The following NMNAT1 variants were observed in gnomAD, a reference collection of about 807,000 sequenced individuals.
NMNAT1 encodes nicotinamide/nicotinic acid mononucleotide adenylyltransferase 1.
A neutral mutation model predicts 16.7 loss-of-function variants in NMNAT1; 11 were observed. The observed-to-expected ratio is 0.66, with a 90% CI of 0.41 to 1.09. The LOEUF (loss-of-function observed/expected upper bound fraction) is 1.09, where lower values mean the gene tolerates loss of function less well. NMNAT1 is among the 50% of genes least tolerant of loss of function. The pLI, the probability that NMNAT1 is intolerant of heterozygous loss-of-function variation, is 0.00. For missense variants in NMNAT1, 280 were observed against 332.3 expected (o/e 0.84, Z 1.22); for synonymous variants, 110 against 119.8 (o/e 0.92, Z 0.53).
intron 2 of NMNAT1, among the ~76,000 whole-genome samples, chr1:9,974,038 A>G (rs1208631936): frequency 6.6e-6 from 1 of 152,000 alleles, no homozygotes; most frequent in African/African-American, 2.4e-5. Flanking sequence ...GGGTTTCACC[A>G]TGTTGACCAG....
At chr1:9,986,597 T>A (rs568072946), downstream of NMNAT1, among the ~76,000 whole-genome samples, 379 of 152,258 alleles carry the variant, frequency 2.5e-3, no homozygotes, top group Non-Finnish European at 4.1e-3. Flanking sequence ...AAAAAACATG[T>A]ACTGGCTGGG....
chr1:9,989,527 G>A (rs1478868283), downstream of NMNAT1, among the ~76,000 whole-genome samples: 1 of 152,076 alleles, frequency 6.6e-6, no homozygotes, highest in African/African-American at 2.4e-5. Flanking sequence ...CGGTTGGACG[G>A]CAGAAATAAG....
intron 3 of NMNAT1, among the ~76,000 whole-genome samples, chr1:9,980,002 G>A (rs1466320376): frequency 6.6e-6 from 1 of 151,256 alleles, no homozygotes; most frequent in Non-Finnish European, 1.5e-5. Flanking sequence ...CGCAATCATG[G>A]CTCACTGCAA....
intron 3 of NMNAT1, among the ~76,000 whole-genome samples, 153 bp from the exon 4 acceptor site, chr1:9,980,878 G>A (rs916918668): frequency 1.3e-5 from 2 of 151,754 alleles, no homozygotes; most frequent in Admixed American, 1.3e-4. Context: ...GGATGGTCTC[G>A]ATCTTCTGAC....
chr1:9,992,855 T>C, the NMNAT1 span, among the ~76,000 whole-genome samples: 1 of 151,784 alleles, frequency 6.6e-6, no homozygotes, highest in South Asian at 2.1e-4. Flanking sequence ...GAGCTTGCAG[T>C]GAGTGGAGAT....
At chr1:9,953,203 C>T (rs1345913631) in intron 1 of NMNAT1, among the ~76,000 whole-genome samples, 1 of 150,946 alleles carries the variant, frequency 6.6e-6, no homozygotes, top group East Asian at 2.0e-4. Context: ...AGGATGGTCT[C>T]GATCTCCTGT....
At chr1:9,996,082 C>CAA in the NMNAT1 span, among the ~76,000 whole-genome samples, 1 of 151,850 alleles carries the variant, frequency 6.6e-6, no homozygotes, top group Non-Finnish European at 1.5e-5. Flanking sequence ...GAGGCCAAGG[C>CAA]GGGCGGATCA....
In NMNAT1 at chr1:9,963,635, C is replaced by T. The variant is rs534216276; in HGVS notation, c.-56-8383C>T. 3.9e-5 allele frequency among the ~76,000 whole-genome samples: 6 copies of T among 152,128 alleles called. No homozygotes were observed. The South Asian group carries it at 1.2e-3, about 32-fold the overall frequency. ...TGTTGGCCAGGCTGGTCTCGAACTT[C>T]TGACCTCGTGATCCGCCCACCTCAG... On this transcript the variant is annotated intron_variant, in intron 1 of 4. Transcript: ENST00000377205.
At chr1:9,961,340 T>C (rs535061115) in intron 1 of NMNAT1, among the ~76,000 whole-genome samples, 5 of 152,278 alleles carry the variant, frequency 3.3e-5, no homozygotes, top group Admixed American at 6.5e-5. Flanking sequence ...CTCTTGGGAA[T>C]AGTAACTGAA....
chr1:9,967,417 T>C (rs1009419693), intron 1 of NMNAT1: 2 of 153,682 alleles, frequency 1.3e-5, no homozygotes, highest in Non-Finnish European at 2.9e-5. Context: ...AAAGGGTGTA[T>C]GAGAGATCAA....
chr1:9,978,060 G>A (rs958202663), intron 3 of NMNAT1, among the ~76,000 whole-genome samples: 3 of 151,456 alleles, frequency 2.0e-5, no homozygotes, highest in African/African-American at 2.4e-5. Context: ...TATAAATAGC[G>A]CAATAATAGG....
the NMNAT1 span, among the ~76,000 whole-genome samples, chr1:9,995,877 A>C: frequency 4.9e-3 from 740 of 151,160 alleles, 10 homozygotes; most frequent in African/African-American, 0.017. Flanking sequence ...AAAATACAAA[A>C]AATTAGTTGG....
chr1:9,959,453 T>G (rs1019977421), intron 1 of NMNAT1, among the ~76,000 whole-genome samples: 1 of 146,028 alleles, frequency 6.8e-6, no homozygotes, highest in Non-Finnish European at 1.5e-5. Flanking sequence ...GAGGCCAAAG[T>G]AGGCAGATCA....
intron 1 of NMNAT1, among the ~76,000 whole-genome samples, chr1:9,961,150 A>T (rs1420608991): frequency 6.6e-6 from 1 of 152,154 alleles, no homozygotes; most frequent in Non-Finnish European, 1.5e-5. Flanking sequence ...TTATGCTGAG[A>T]GATCAGCTTC....
chr1:9,956,809 G>A (rs965185899), intron 1 of NMNAT1, among the ~76,000 whole-genome samples: 46 of 146,342 alleles, frequency 3.1e-4, no homozygotes, highest in Admixed American at 9.9e-4. Flanking sequence ...TTGGCTCACT[G>A]CAACCTCCAC....
In NMNAT1 at chr1:9,982,397, C is replaced by T. The variant is rs199667801; in HGVS notation, c.536C>T (p.Ala179Val). Residue 179 changes from alanine (A) to valine (V), a missense_variant, in exon 5 of 5, where the codon GCC (alanine) becomes GTC (valine). Coordinates refer to ENST00000377205, the MANE Select transcript of NMNAT1 (RefSeq NM_022787.4). The part of the protein sequence containing the change: ...WKSEDITQIV[A>V]NYGLICVTRA... Reference sequence around the variant, plus strand: ...AGTGAAGACATCACCCAAATCGTGGCCAACTATGGGCTCATATGTGTTACT... The same window carrying T: ...AGTGAAGACATCACCCAAATCGTGGTCAACTATGGGCTCATATGTGTTACT... 2 of 1,614,086 alleles carry T rather than the reference C, an allele frequency of 1.2e-6. No homozygotes were observed. Among genetic ancestry groups the T allele is most frequent in the East Asian group, 4.5e-5 (2 of 44,884 alleles).
chr1:9,947,123 C>G (rs934991458), intron 1 of NMNAT1, among the ~76,000 whole-genome samples: 6 of 152,146 alleles, frequency 3.9e-5, no homozygotes, highest in African/African-American at 1.4e-4. Context: ...ATAGATGTCT[C>G]AAACTTCACT....
chr1:9,994,803 A>G, the NMNAT1 span, among the ~76,000 whole-genome samples: 1 of 151,848 alleles, frequency 6.6e-6, no homozygotes, highest in African/African-American at 2.4e-5. Context: ...TAGTAGAGAC[A>G]GGGTTTCACC....
chr1:9,973,639 C>T (rs1345350720), intron 2 of NMNAT1, among the ~76,000 whole-genome samples: 2 of 127,134 alleles, frequency 1.6e-5, no homozygotes, highest in Non-Finnish European at 1.6e-5. Context: ...ACCTGGGAGG[C>T]GGAGCTTGCA....
Sources: gnomAD v4.1 joint callset for allele counts (sites outside exome capture counted in the v4.1 genomes callset) on GRCh38, gnomAD v4.1.1 for gene constraint, MANE v1.5 for transcripts, NCBI Gene and HGNC (gene_info 2026-07-23, HGNC 2026-07-21) for gene names.